The following ATP2B4 variants were observed in gnomAD, a reference collection of about 807,000 sequenced individuals.
ATP2B4 encodes the protein plasma membrane calcium-transporting ATPase 4.
Under a neutral mutation model 110.3 loss-of-function variants are expected in ATP2B4, and 39 were observed. That is an observed-to-expected ratio of 0.35 (90% confidence interval 0.27 to 0.46). The LOEUF (loss-of-function observed/expected upper bound fraction) is 0.46. Among genes scored for constraint, ATP2B4 ranks in the 20% least tolerant of loss-of-function variants. The pLI, the probability that ATP2B4 is intolerant of heterozygous loss-of-function variation, is 1.00. For synonymous variants in ATP2B4, 538 were observed against 571.7 expected (o/e 0.94, Z 0.84); for missense variants, 1,135 against 1,530.9 (o/e 0.74, Z 4.32).
rs765217076 is a variant in ATP2B4 at position 203,713,205 on chromosome 1, G to A, written c.2252G>A (p.Arg751Gln). 12 of 1,614,116 alleles carry A rather than the reference G, an allele frequency of 7.4e-6. No homozygotes were observed. The highest frequency in any genetic ancestry group is 1.7e-5 in the Admixed American group (1 of 60,016). ...CTGGACAAGATCTGGCCTAAGCTTCGGGTCCTGGCGCGATCTTCTCCCACT... is the reference window on the plus strand; with the variant it reads ...CTGGACAAGATCTGGCCTAAGCTTCAGGTCCTGGCGCGATCTTCTCCCACT... ...EKLDKIWPKL[R>Q]VLARSSPTDK... Residue 751 changes from arginine to glutamine, a missense_variant, in exon 14 of 21, where the codon CGG (arginine) becomes CAG (glutamine). By Grantham distance (43) the Arg-to-Gln change is conservative. Transcript: ENST00000357681.
Position 203,629,190 on chromosome 1 carries a change from C to T in ATP2B4, c.-465+1971C>T, listed in dbSNP as rs1663183432. On this transcript the variant is annotated intron_variant, in intron 1 of 20. Transcript: ENST00000357681. The surrounding 1 kb of genome is among the most constrained non-coding windows in gnomAD (Gnocchi z 4.6). ...CCTCGGCTAGACAGCTCTTCCCTACCTGTGTTCTGCTCGAGAAGGGAATGA... is the reference window on the plus strand; with the variant it reads ...CCTCGGCTAGACAGCTCTTCCCTACTTGTGTTCTGCTCGAGAAGGGAATGA... Among the ~76,000 whole-genome samples, 1 of 152,202 alleles carries T rather than the reference C, an allele frequency of 6.6e-6. No individual in the cohort carries two copies. Among genetic ancestry groups the T allele is most frequent in the South Asian group, 2.1e-4 (1 of 4,836 alleles).
intron 1 of ATP2B4, among the ~76,000 whole-genome samples, chr1:203,642,756 G>T (rs1315363594): frequency 6.6e-6 from 1 of 152,154 alleles, no homozygotes; most frequent in African/African-American, 2.4e-5. Context: ...GTGCAGATTT[G>T]AGGGAGTCTG....
At chr1:203,739,304 G>A (rs569994233) in intron 20 of ATP2B4, among the ~76,000 whole-genome samples, 17 of 152,046 alleles carry the variant, frequency 1.1e-4, no homozygotes, top group Admixed American at 1.1e-3. Context: ...TTTTTTTAAT[G>A]CAGCTTTCAA....
chr1:203,657,773 A>C, intron 1 of ATP2B4: 2 of 644,708 alleles, frequency 3.1e-6, no homozygotes, highest in African/African-American at 3.7e-5. Flanking sequence ...TGACAGGCGC[A>C]GAACCACCAG....
chr1:203,688,794 A>G (rs1023305798), intron 2 of ATP2B4, among the ~76,000 whole-genome samples: 1 of 152,130 alleles, frequency 6.6e-6, no homozygotes, highest in Non-Finnish European at 1.5e-5. Flanking sequence ...ATTTAGGGCA[A>G]CAAGAAAGGG....
chr1:203,721,326 C>A lies in ATP2B4; in HGVS notation c.2728C>A (p.Pro910Thr). The A allele has an allele frequency of 6.2e-7, 1 of 1,614,222 alleles. No individual in the cohort carries two copies. The highest frequency in any genetic ancestry group is 8.5e-7 in the Non-Finnish European group (1 of 1,180,044). Residue 910 changes from proline (P) to threonine (T), a missense_variant, in exon 17 of 21, where the codon CCT becomes ACT. Pro to Thr is a conservative substitution (Grantham distance 38). Coordinates refer to ENST00000357681, the MANE Select transcript of ATP2B4 (RefSeq NM_001684.5). ...GCGGCGCCCCTATGGCCGAAATAAG[C>A]CTCTGATCTCACGCACTATGATGAA... ...LKRRPYGRNKPLISRTMMKNI... is the reference protein window; with the variant it reads ...LKRRPYGRNKTLISRTMMKNI...
intron 1 of ATP2B4, among the ~76,000 whole-genome samples, chr1:203,630,728 C>T (rs1663243331): frequency 6.6e-6 from 1 of 152,206 alleles, no homozygotes; most frequent in African/African-American, 2.4e-5. Context: ...CTCAGATAAG[C>T]ATTGATTCCT....
intron 1 of ATP2B4, among the ~76,000 whole-genome samples, chr1:203,632,168 C>T (rs1437846386): frequency 1.3e-5 from 2 of 150,152 alleles, no homozygotes; most frequent in African/African-American, 4.9e-5. Context: ...GTTAAACAAA[C>T]AATGGTACAG....
At chr1:203,694,334 C>T (rs1042858694) in intron 2 of ATP2B4, among the ~76,000 whole-genome samples, 3 of 152,036 alleles carry the variant, frequency 2.0e-5, no homozygotes, top group African/African-American at 7.2e-5. Context: ...GGTGAGAAGA[C>T]CTGTGGAGGG....
At chr1:203,683,470 CT>C in intron 2 of ATP2B4, 72 bp downstream of exon 2, 1 of 1,451,066 alleles carries the variant, frequency 6.9e-7, no homozygotes, top group Non-Finnish European at 9.3e-7. Flanking sequence ...TTCCCAGCTT[CT>C]AGAGAAGGCA....
chr1:203,676,118 G>A (rs1473678170), intron 1 of ATP2B4, among the ~76,000 whole-genome samples: 1 of 152,180 alleles, frequency 6.6e-6, no homozygotes, highest in Non-Finnish European at 1.5e-5. Context: ...TGGCTTGGGT[G>A]TGGCTGTCGG....
chr1:203,637,588 G>A lies in ATP2B4; in HGVS notation c.-465+10369G>A, dbSNP rs78961859. ...CTGCAGAGATTAGGTTTTCATCTGAGCTGTGGGTTGGATTAGAAATTCAGG... is the reference window on the plus strand; with the variant it reads ...CTGCAGAGATTAGGTTTTCATCTGAACTGTGGGTTGGATTAGAAATTCAGG... On this transcript the variant is annotated intron_variant, in intron 1 of 20. Coordinates refer to ENST00000357681, the MANE Select transcript of ATP2B4 (RefSeq NM_001684.5). Among the ~76,000 whole-genome samples, 1,370 of 152,318 alleles carry A rather than the reference G, an allele frequency of 9.0e-3. 22 individuals carry two copies. The highest frequency in any genetic ancestry group is 0.026 in the African/African-American group (1,081 of 41,558).
intron 17 of ATP2B4, among the ~76,000 whole-genome samples, chr1:203,721,660 T>G (rs1174254818): frequency 7.4e-6 from 1 of 135,562 alleles, no homozygotes; most frequent in Non-Finnish European, 1.5e-5. Context: ...CTTTCTTTTT[T>G]TTTTTTTTTT....
chr1:203,740,156 C>T lies in ATP2B4; in HGVS notation c.*302C>T. ...AATGATGACAATCCTCTTGGCATCA[C>T]CCCACCCCACATTCTCCCCGATGTT... On this transcript the variant is annotated 3_prime_UTR_variant, in exon 21 of 21. Coordinates refer to ENST00000357681, the MANE Select transcript of ATP2B4 (RefSeq NM_001684.5). 6.3e-6 allele frequency: 2 copies of T among 317,568 alleles called. No individual in the cohort carries two copies. Among genetic ancestry groups the T allele is most frequent in the Non-Finnish European group, 1.2e-5 (2 of 171,836 alleles). The allele number at this position is 317,568 out of a possible 1,614,324, so 19.7% of individuals were successfully genotyped here.
At chr1:203,714,449 C>A (rs1298583653) in intron 15 of ATP2B4, among the ~76,000 whole-genome samples, 172 bp downstream of exon 15, 1 of 152,014 alleles carries the variant, frequency 6.6e-6, no homozygotes, top group Non-Finnish European at 1.5e-5. Flanking sequence ...TAACTGGGGA[C>A]CCATCAAGTA....
chr1:203,636,032 A>G (rs995015766), intron 1 of ATP2B4, among the ~76,000 whole-genome samples: 4 of 152,198 alleles, frequency 2.6e-5, no homozygotes, highest in African/African-American at 9.6e-5. Context: ...CCACCATGCC[A>G]TGGGGCCAGC....
At position 203,665,881 on chromosome 1, in the gene ATP2B4, G is replaced by A. The variant is rs550587791; in HGVS notation, c.-464-16861G>A. Among the ~76,000 whole-genome samples the A allele has an allele frequency of 3.0e-4, 46 of 152,060 alleles. No homozygotes were observed. The South Asian group carries it at 8.3e-3, about 28-fold the overall frequency. On this transcript the variant is annotated intron_variant, in intron 1 of 20. Transcript: ENST00000357681. ...GCTAATACATGCTTAAATGTAAAAT[G>A]AGGGGATTTGTTTAGACTTTTCCAT...
intron 1 of ATP2B4, among the ~76,000 whole-genome samples, chr1:203,672,050 A>G (rs1381572354): frequency 2.0e-5 from 3 of 152,154 alleles, no homozygotes; most frequent in Non-Finnish European, 2.9e-5. Context: ...CTGCTGTTAG[A>G]GCAAGAAGAC....
At chr1:203,660,284 AC>A (rs1273305948) in intron 1 of ATP2B4, among the ~76,000 whole-genome samples, 1 of 152,114 alleles carries the variant, frequency 6.6e-6, no homozygotes, top group Non-Finnish European at 1.5e-5. Flanking sequence ...GTCCAGTTTC[AC>A]CACAAGTTAA....
Sources: allele counts gnomAD v4.1 joint callset (sites outside exome capture counted in the v4.1 genomes callset), GRCh38; gene constraint gnomAD v4.1.1; non-coding constraint Gnocchi (gnomAD v3.1); transcripts MANE v1.5; gene names NCBI Gene and HGNC (gene_info 2026-07-23, HGNC 2026-07-21).